CADM1: variants seen among roughly 807,000 people sequenced by gnomAD.
CADM1 encodes the protein cell adhesion molecule 1, also known as TSLC-1.
CADM1 carries 15 observed loss-of-function variants against 53.1 expected under a neutral mutation model. The ratio of observed to expected loss-of-function variants is 0.28; its 90% CI spans 0.19 to 0.44. The LOEUF (loss-of-function observed/expected upper bound fraction) is 0.44, where lower values mean the gene tolerates loss of function less well. Ranked by LOEUF, CADM1 falls within the 20% of genes least tolerant of loss-of-function variation. The probability of loss-of-function intolerance (pLI) is 1.00; values close to 1 mark genes in which losing one functional copy is unlikely to be tolerated. For synonymous variants in CADM1, 281 were observed against 243.0 expected (o/e 1.16, Z -1.45); for missense variants, 434 against 611.3 (o/e 0.71, Z 3.06).
rs151108154 is a variant in CADM1 at position 115,292,138 on chromosome 11, T to C, written c.125-51718A>G. Among the ~76,000 whole-genome samples, 473 of 152,300 alleles carry C rather than the reference T, an allele frequency of 3.1e-3. 2 individuals carry two copies. The highest frequency in any genetic ancestry group is 9.7e-3 in the African/African-American group (404 of 41,570). Reference sequence around the variant, plus strand: ...CACCTGGTGTGATGGCAAAAACACTTACTTCCGCACAGTCGCTGACAACCT... The same window carrying C: ...CACCTGGTGTGATGGCAAAAACACTCACTTCCGCACAGTCGCTGACAACCT... On this transcript the variant is annotated intron_variant, in intron 1 of 11. Transcript: ENST00000331581.
chr11:115,321,465 T>G (rs896637787), intron 1 of CADM1, among the ~76,000 whole-genome samples: 5 of 152,212 alleles, frequency 3.3e-5, no homozygotes, highest in Non-Finnish European at 7.3e-5. Context: ...TTACTGAAAC[T>G]TCTCTGAGCA....
At chr11:115,281,839 C>G (rs1276897099) in intron 1 of CADM1, among the ~76,000 whole-genome samples, 1 of 151,878 alleles carries the variant, frequency 6.6e-6, no homozygotes, top group African/African-American at 2.4e-5. Flanking sequence ...AGTTTAAAAT[C>G]ATAATACTAT....
intron 5 of CADM1, 110 bp from the exon 6 acceptor site, chr11:115,218,101 C>T (rs1453735020): frequency 9.5e-6 from 7 of 736,412 alleles, no homozygotes; most frequent in Middle Eastern, 2.3e-4. Context: ...CTCTCCCATC[C>T]GATGCCTTCA....
intron 1 of CADM1, among the ~76,000 whole-genome samples, chr11:115,320,752 A>G (rs907399229): frequency 6.6e-6 from 1 of 152,080 alleles, no homozygotes; most frequent in Non-Finnish European, 1.5e-5. Context: ...TGATGTAGTC[A>G]CATGTTTTTG....
chr11:115,263,925 G>A (rs1474339055), intron 1 of CADM1, among the ~76,000 whole-genome samples: 3 of 152,152 alleles, frequency 2.0e-5, no homozygotes, highest in Non-Finnish European at 4.4e-5. Context: ...ATCTGCTATA[G>A]TACTATGTCT....
intron 1 of CADM1, among the ~76,000 whole-genome samples, chr11:115,481,091 A>G (rs757174898): frequency 2.6e-5 from 4 of 151,638 alleles, no homozygotes; most frequent in South Asian, 2.1e-4. Context: ...AAATTTCTCT[A>G]AGTTCTACAC....
At chr11:115,500,616 T>G (rs1949708100) in intron 1 of CADM1, among the ~76,000 whole-genome samples, 1 of 152,222 alleles carries the variant, frequency 6.6e-6, no homozygotes, top group African/African-American at 2.4e-5. Flanking sequence ...AGGCTAATGT[T>G]ATAATTGCAA....
At position 115,173,930 on chromosome 11, in the gene CADM1, T is replaced by C. The variant is rs1435642664; in HGVS notation, c.*2544A>G. 1 of 968,028 alleles carries C rather than the reference T, an allele frequency of 1.0e-6. No individual in the cohort carries two copies. The highest frequency in any genetic ancestry group is 1.2e-6 in the Non-Finnish European group (1 of 814,118). 60.0% of individuals were successfully genotyped at this position (968,028 alleles called of 1,614,324 possible). On this transcript the variant is annotated 3_prime_UTR_variant, in exon 12 of 12. Transcript: ENST00000331581. ...AAAAACAAGTTTGTTCTTTCTTCAC[T>C]CTAAAAAAAGTGATCAACCTGTACA... is the stretch of plus-strand genomic sequence containing the variant.
At chr11:115,235,971 T>C (rs1941996305) in intron 3 of CADM1, among the ~76,000 whole-genome samples, 1 of 152,248 alleles carries the variant, frequency 6.6e-6, no homozygotes, top group East Asian at 1.9e-4. Flanking sequence ...AACAAATGCA[T>C]ACAAAATATC....
rs747352768 is a variant in CADM1, at chr11:115,209,591, ATGGTGG to A, written c.1055_1060del (p.Thr352_Thr353del). The stretch of plus-strand genomic sequence containing the variant: ...TACCATACCTGTGATGATGGTAAGG[ATGGTGG>A]TGGTGGTGGTGGTGGTGGTGGTGGT... On this transcript the variant is annotated inframe_deletion, in exon 8 of 12. Coordinates refer to ENST00000331581, the MANE Select transcript of CADM1 (RefSeq NM_001301043.2). 50 of 924,238 alleles carry A rather than the reference ATGGTGG, an allele frequency of 5.4e-5. No homozygotes were observed. The Middle Eastern group carries it at 7.1e-4, about 13-fold the overall frequency. 57.3% of individuals were successfully genotyped at this position (924,238 alleles called of 1,614,324 possible).
At chr11:115,365,803 A>G (rs1456722860) in intron 1 of CADM1, among the ~76,000 whole-genome samples, 1 of 152,232 alleles carries the variant, frequency 6.6e-6, no homozygotes, top group South Asian at 2.1e-4. Flanking sequence ...CAAACAAAAA[A>G]GCTGAAAGGC....
chr11:115,327,515 T>C (rs1944989930), intron 1 of CADM1, among the ~76,000 whole-genome samples: 1 of 125,066 alleles, frequency 8.0e-6, no homozygotes, highest in South Asian at 3.8e-4. Flanking sequence ...TTGGAATACA[T>C]AAGAGTTTTT....
At chr11:115,460,853 C>T (rs542222810) in intron 1 of CADM1, among the ~76,000 whole-genome samples, 1 of 151,084 alleles carries the variant, frequency 6.6e-6, no homozygotes, top group South Asian at 2.1e-4. Context: ...TTTTCTTTTT[C>T]CTGAAATCCA....
intron 1 of CADM1, among the ~76,000 whole-genome samples, chr11:115,495,373 A>G (rs1454360007): frequency 6.6e-6 from 1 of 152,214 alleles, no homozygotes; most frequent in African/African-American, 2.4e-5. Flanking sequence ...ATCAACTTTT[A>G]AAATCACTGT....
At chr11:115,347,393 G>T (rs1945609121) in intron 1 of CADM1, among the ~76,000 whole-genome samples, 1 of 152,120 alleles carries the variant, frequency 6.6e-6, no homozygotes, top group African/African-American at 2.4e-5. Context: ...GGAGTTATTA[G>T]CACCTCCCAT....
intron 1 of CADM1, among the ~76,000 whole-genome samples, chr11:115,418,288 C>T (rs987726741): frequency 4.6e-5 from 7 of 152,210 alleles, no homozygotes; most frequent in African/African-American, 9.6e-5. Flanking sequence ...GAGTGGAACA[C>T]GCAAGTGGTT....
chr11:115,422,017 T>TA (rs1415368839), intron 1 of CADM1, among the ~76,000 whole-genome samples: 1 of 152,226 alleles, frequency 6.6e-6, no homozygotes. Flanking sequence ...ATCTAGCAAT[T>TA]AACTTTAAAA....
At chr11:115,497,880 T>A (rs1949654467) in intron 1 of CADM1, among the ~76,000 whole-genome samples, 2 of 151,514 alleles carry the variant, frequency 1.3e-5, no homozygotes, top group Admixed American at 1.3e-4. Flanking sequence ...AATCATCTCA[T>A]GCATAATTCC....
intron 1 of CADM1, among the ~76,000 whole-genome samples, chr11:115,337,747 A>G (rs1012585581): frequency 6.6e-6 from 1 of 152,154 alleles, no homozygotes; most frequent in East Asian, 1.9e-4. Context: ...GGTTAAATTA[A>G]TACACCATGG....
Sources: allele counts gnomAD v4.1 joint callset (sites outside exome capture counted in the v4.1 genomes callset), GRCh38; gene constraint gnomAD v4.1.1; transcripts MANE v1.5; gene names NCBI Gene and HGNC (gene_info 2026-07-23, HGNC 2026-07-21).